EPB41L4B: variants seen among roughly 807,000 people sequenced by gnomAD.
EPB41L4B encodes the protein erythrocyte membrane protein band 4.1 like 4B, also known as band 4.1-like protein 4B.
Under a neutral mutation model 112.5 loss-of-function variants are expected in EPB41L4B, and 30 were observed. The observed-to-expected ratio is 0.27, with a 90% CI of 0.20 to 0.36. The LOEUF is 0.36. EPB41L4B is among the 10% of genes least tolerant of loss of function. The pLI, the probability that EPB41L4B is intolerant of heterozygous loss-of-function variation, is 1.00. For synonymous variants in EPB41L4B, 408 were observed against 439.7 expected (o/e 0.93, Z 0.90); for missense variants, 1,024 against 1,133.3 (o/e 0.90, Z 1.38).
At chr9:109,308,976 T>C (rs779984483) in intron 1 of EPB41L4B, among the ~76,000 whole-genome samples, 36 of 152,222 alleles carry the variant, frequency 2.4e-4, no homozygotes, top group South Asian at 4.1e-4. Context: ...TTCAGGAAGC[T>C]GAGGCAGGAG....
intron 20 of EPB41L4B, among the ~76,000 whole-genome samples, chr9:109,195,696 T>A (rs1832617436): frequency 6.6e-6 from 1 of 152,232 alleles, no homozygotes; most frequent in South Asian, 2.1e-4. Context: ...TTAAAATTTC[T>A]TTTTACCTCA....
chr9:109,185,746 C>T lies in EPB41L4B; in HGVS notation c.2302-141G>A, dbSNP rs963191812. 8 of 580,086 alleles carry T rather than the reference C, an allele frequency of 1.4e-5. No homozygotes were observed. The Admixed American group carries it at 1.8e-4, about 13-fold the overall frequency. The allele number at this position is 580,086 out of a possible 1,614,324, so 35.9% of individuals were successfully genotyped here. A position where few individuals can be genotyped will look rare whatever the true frequency, so the allele number is the denominator to read the frequency against. Reference sequence around the variant, plus strand: ...CAACTCCAGACTGTTCTCAAGCCAGCCTCACCCACAGCCTACTTCCAGGCT... The same window carrying T: ...CAACTCCAGACTGTTCTCAAGCCAGTCTCACCCACAGCCTACTTCCAGGCT... On this transcript the variant is annotated intron_variant, in intron 22 of 25. Coordinates refer to ENST00000374566, the MANE Select transcript of EPB41L4B (RefSeq NM_019114.5).
chr9:109,198,741 C>G (rs1189780304), intron 20 of EPB41L4B, among the ~76,000 whole-genome samples: 1 of 152,068 alleles, frequency 6.6e-6, no homozygotes, highest in Non-Finnish European at 1.5e-5. Context: ...AACCCTGTCT[C>G]TACTAAAAAT....
chr9:109,247,158 G>A (rs1457235332), intron 14 of EPB41L4B, among the ~76,000 whole-genome samples: 3 of 150,306 alleles, frequency 2.0e-5, no homozygotes, highest in Non-Finnish European at 4.4e-5. Context: ...ACACCACCGT[G>A]CCAGCTCAAG....
Position 109,320,564 on chromosome 9 carries a change from C to T in EPB41L4B, c.-118G>A. On this transcript the variant is annotated 5_prime_UTR_variant, in exon 1 of 26. Coordinates refer to ENST00000374566, the MANE Select transcript of EPB41L4B (RefSeq NM_019114.5). ...CGTCAGTGCCCTCGGCCGCCCGCGCCGCCTCTCGCGGGCTACGGCCCGGGG... is the reference window on the plus strand; with the variant it reads ...CGTCAGTGCCCTCGGCCGCCCGCGCTGCCTCTCGCGGGCTACGGCCCGGGG... 2 of 482,034 alleles carry T rather than the reference C, an allele frequency of 4.1e-6. No individual in the cohort carries two copies. Among genetic ancestry groups the T allele is most frequent in the Non-Finnish European group, 5.3e-6 (2 of 373,846 alleles). 29.9% of individuals were successfully genotyped at this position (482,034 alleles called of 1,614,324 possible).
chr9:109,256,195 T>C lies in EPB41L4B; in HGVS notation c.870A>G (p.Gly290=). ...AGATTAATATGCCTGTCGGGGTCAG[T>C]CCAAGAGAATATTCACAGCCATCTC... ...RGRDGCEYSL[G]LTPTGILIFE... Residue 290 remains glycine (G), a synonymous_variant, in exon 9 of 26, where the codon GGA becomes GGG. Transcript: ENST00000374566. The C allele has an allele frequency of 6.2e-7, 1 of 1,614,190 alleles. No homozygotes were observed. The highest frequency in any genetic ancestry group is 8.5e-7 in the Non-Finnish European group (1 of 1,180,026).
At chr9:109,216,294 C>T (rs1159169606) in intron 16 of EPB41L4B, among the ~76,000 whole-genome samples, 1 of 152,122 alleles carries the variant, frequency 6.6e-6, no homozygotes, top group Non-Finnish European at 1.5e-5. Context: ...TTTTGTAAGG[C>T]ACTAATCTAT....
chr9:109,262,216 T>C (rs4978787), intron 6 of EPB41L4B, among the ~76,000 whole-genome samples: 78,528 of 151,866 alleles, frequency 0.52, 20,534 homozygotes, highest in East Asian at 0.68. Flanking sequence ...ATGCTTCCAG[T>C]CTGACCTCTC....
chr9:109,320,046 T>G (rs1588249131), intron 1 of EPB41L4B, 95 bp downstream of exon 1: 1 of 1,068,670 alleles, frequency 9.4e-7, no homozygotes, highest in Non-Finnish European at 1.2e-6. Context: ...CCCAGGGAGG[T>G]GCAAGGGAAG....
chr9:109,257,727 G>A (rs1300416538), intron 7 of EPB41L4B, among the ~76,000 whole-genome samples: 1 of 152,204 alleles, frequency 6.6e-6, no homozygotes, highest in Non-Finnish European at 1.5e-5. Flanking sequence ...AGGTGTGGTG[G>A]CTCCTGCCTG....
chr9:109,321,019 C>CCGT lies in EPB41L4B; in HGVS notation c.-574_-573insACG. 5.3e-6 allele frequency: 1 copy of CCGT among 188,420 alleles called. No homozygotes were observed. Among genetic ancestry groups the CCGT allele is most frequent in the Non-Finnish European group, 1.1e-5 (1 of 93,992 alleles). 11.7% of individuals were successfully genotyped at this position (188,420 alleles called of 1,614,324 possible). ...GAGGCTGCACCTCCAGCCGCCGCCG[C>CCGT]CGCCGCCGCCGCCGCTGCCGCCGGG... On this transcript the variant is annotated 5_prime_UTR_variant, in exon 1 of 26. Transcript: ENST00000374566.
intron 13 of EPB41L4B, among the ~76,000 whole-genome samples, chr9:109,250,350 T>C (rs1240084258): frequency 3.3e-5 from 5 of 152,126 alleles, no homozygotes. Flanking sequence ...CTCCACCCCG[T>C]GCCACGTTTT....
At chr9:109,232,377 C>T (rs1377286174) in intron 15 of EPB41L4B, among the ~76,000 whole-genome samples, 1 of 151,952 alleles carries the variant, frequency 6.6e-6, no homozygotes, top group Non-Finnish European at 1.5e-5. Context: ...CAGGTGGCAA[C>T]AGCATTAACA....
At chr9:109,210,339 C>T (rs1054600576) in intron 17 of EPB41L4B, among the ~76,000 whole-genome samples, 3 of 152,186 alleles carry the variant, frequency 2.0e-5, no homozygotes, top group African/African-American at 7.2e-5. Context: ...GGATATTTCA[C>T]TGGTGCATGA....
intron 15 of EPB41L4B, among the ~76,000 whole-genome samples, chr9:109,233,770 G>C (rs1020529993): frequency 6.6e-6 from 1 of 152,068 alleles, no homozygotes; most frequent in Non-Finnish European, 1.5e-5. Flanking sequence ...GACCTCAGGC[G>C]ATCCACCAAC....
At chr9:109,198,677 T>TG (rs1250889103) in intron 20 of EPB41L4B, among the ~76,000 whole-genome samples, 1 of 151,850 alleles carries the variant, frequency 6.6e-6, no homozygotes, top group African/African-American at 2.4e-5. Context: ...GAGGCCAAGG[T>TG]GGGGTGGATC....
At chr9:109,216,144 C>G (rs77681028) in intron 16 of EPB41L4B, among the ~76,000 whole-genome samples, 2 of 152,334 alleles carry the variant, frequency 1.3e-5, no homozygotes, top group African/African-American at 4.8e-5. Context: ...CATCACTCCC[C>G]TCCCCTCTTT....
chr9:109,245,757 G>A (rs1480509687), intron 14 of EPB41L4B, among the ~76,000 whole-genome samples: 1 of 152,166 alleles, frequency 6.6e-6, no homozygotes, highest in Non-Finnish European at 1.5e-5. Flanking sequence ...TTCTCAGGAC[G>A]TTCTCTTCCC....
At position 109,214,799 on chromosome 9, in the gene EPB41L4B, C is replaced by T. The variant is rs377424988; in HGVS notation, c.1634-981G>A. Reference sequence around the variant, plus strand: ...GTCTGTGTATGGCCCTGCTCAGAAGCGAGGACTTTATCCCAGACAGTGAAG... The same window carrying T: ...GTCTGTGTATGGCCCTGCTCAGAAGTGAGGACTTTATCCCAGACAGTGAAG... On this transcript the variant is annotated intron_variant, in intron 16 of 25. Coordinates refer to ENST00000374566, the MANE Select transcript of EPB41L4B (RefSeq NM_019114.5). Among the ~76,000 whole-genome samples, 94 of 152,240 alleles carry T rather than the reference C, an allele frequency of 6.2e-4. No individual in the cohort carries two copies. The South Asian group carries it at 0.017, about 28-fold the overall frequency.
Sources: allele counts gnomAD v4.1 joint callset (sites outside exome capture counted in the v4.1 genomes callset), GRCh38; gene constraint gnomAD v4.1.1; transcripts MANE v1.5; gene names NCBI Gene and HGNC (gene_info 2026-07-23, HGNC 2026-07-21).